PER3: variants seen among roughly 807,000 people sequenced by gnomAD.
PER3 encodes the protein period circadian protein homolog 3.
PER3 carries 107 observed loss-of-function variants against 127.2 expected under a neutral mutation model. The observed-to-expected ratio is 0.84, with a 90% CI of 0.72 to 0.99. PER3 has a LOEUF of 0.99. Among genes scored for constraint, PER3 ranks in the 50% least tolerant of loss-of-function variants. The probability of loss-of-function intolerance (pLI) is 0.00; values close to 1 mark genes in which losing one functional copy is unlikely to be tolerated. For synonymous variants in PER3, 618 were observed against 585.8 expected (o/e 1.05, Z -0.79); for missense variants, 1,560 against 1,525.8 (o/e 1.02, Z -0.37).
chr1:7,839,901 T>C (rs1207979600), intron 21 of PER3, among the ~76,000 whole-genome samples: 1 of 152,096 alleles, frequency 6.6e-6, no homozygotes, highest in Non-Finnish European at 1.5e-5. Flanking sequence ...CCTCTTGGAC[T>C]TTTACATTCA....
intron 16 of PER3, among the ~76,000 whole-genome samples, chr1:7,823,466 A>ATTTGT (rs2097287040): frequency 6.6e-6 from 1 of 152,186 alleles, no homozygotes; most frequent in Non-Finnish European, 1.5e-5. Flanking sequence ...AACACGGAGA[A>ATTTGT]ACCCCATCTT....
At chr1:7,803,421 A>G (rs1473872496) in intron 9 of PER3, among the ~76,000 whole-genome samples, 1 of 149,054 alleles carries the variant, frequency 6.7e-6, no homozygotes, top group African/African-American at 2.5e-5. Context: ...TAACCCATCT[A>G]TACTAAAAGT....
At chr1:7,792,967 A>G (rs560116998) in intron 5 of PER3, among the ~76,000 whole-genome samples, 2 of 152,360 alleles carry the variant, frequency 1.3e-5, no homozygotes, top group East Asian at 3.9e-4. Context: ...CTGACCTCAC[A>G]GTAGAGGCCG....
At chr1:7,814,366 C>T (rs767372547) in intron 13 of PER3, among the ~76,000 whole-genome samples, 1 of 152,138 alleles carries the variant, frequency 6.6e-6, no homozygotes, top group African/African-American at 2.4e-5. Flanking sequence ...AGATTACATA[C>T]AGAGAAACAA....
chr1:7,806,740 G>C (rs1435231179), intron 10 of PER3, among the ~76,000 whole-genome samples: 2 of 146,892 alleles, frequency 1.4e-5, no homozygotes, highest in African/African-American at 2.5e-5. Flanking sequence ...GCAGTAGTGA[G>C]CCAGAATTGC....
At chr1:7,812,875 A>G (rs2097226715) in intron 13 of PER3, among the ~76,000 whole-genome samples, 2 of 152,190 alleles carry the variant, frequency 1.3e-5, no homozygotes, top group African/African-American at 4.8e-5. Context: ...AGAGCTACAG[A>G]AACCTTTATA....
chr1:7,834,761 A>G (rs1369033183), intron 19 of PER3, among the ~76,000 whole-genome samples: 1 of 152,162 alleles, frequency 6.6e-6, no homozygotes, highest in Non-Finnish European at 1.5e-5. Flanking sequence ...CCCAACCTAA[A>G]GATATTTTTT....
chr1:7,784,620 T>C (rs172933), intron 1 of PER3, 34 bp from the exon 2 acceptor site: 265,976 of 354,072 alleles, frequency 0.75, 101,200 homozygotes, highest in Admixed American at 0.81. Context: ...GTCTGTTCCA[T>C]TTGTCCCTTG....
In PER3 at chr1:7,801,114, T is replaced by C. The variant is rs1383987454; in HGVS notation, c.795T>C (p.Ala265=). 1 of 1,594,280 alleles carries C rather than the reference T, an allele frequency of 6.3e-7. No homozygotes were observed. Among genetic ancestry groups the C allele is most frequent in the Non-Finnish European group, 8.6e-7 (1 of 1,166,308 alleles). Residue 265 remains alanine, a splice_region_variant and synonymous_variant, in exon 8 of 22, where the codon GCT becomes GCC. Transcript: ENST00000377532. ...GGGTCTTTGTTTTTTTTTCCTTAGC[T>C]CCTCGGATCCCAGTGAATAAAAGAA... ...VVEKIHSGYE[A]PRIPVNKRIF... is the part of the protein sequence containing the mutation.
At chr1:7,814,461 C>T (rs748473299) in intron 13 of PER3, among the ~76,000 whole-genome samples, 1 of 152,108 alleles carries the variant, frequency 6.6e-6, no homozygotes. Context: ...GAAAAACTGT[C>T]AGCACAGAAT....
chr1:7,827,414 C>A lies in PER3; in HGVS notation c.2485C>A (p.Pro829Thr), dbSNP rs2097307052. 6.2e-7 allele frequency: 1 copy of A among 1,614,078 alleles called. No homozygotes were observed. The highest frequency in any genetic ancestry group is 1.3e-5 in the African/African-American group (1 of 74,948). ...AGAATACGCAGCCCCCGGAACTGCA[C>A]CGGAAGGCCTGCATGGGCTGCCCTT... The part of the protein sequence containing the change: ...GREYAAPGTA[P>T]EGLHGLPLSE... The change falls in exon 18 of 22, where the codon CCG (proline) becomes ACG (threonine). Residue 829 changes from proline to threonine, a missense_variant. This residue lies in a region of PER3 where 1,332 missense variants were observed against 1,223.6 expected (regional missense o/e 1.09). Coordinates refer to ENST00000377532, the MANE Select transcript of PER3 (RefSeq NM_001377275.1).
rs111594486 is a variant in PER3 at position 7,820,472 on chromosome 1, T to A, written c.1789T>A (p.Leu597Met). ...ADDVQALQAG[L>M]QIPAIPKSEM... ...AGTTTCTCTTACACCACCAGCTGGTTTGCAAATCCCAGCCATACCTAAATC... is the reference window on the plus strand; with the variant it reads ...AGTTTCTCTTACACCACCAGCTGGTATGCAAATCCCAGCCATACCTAAATC... The change falls in exon 16 of 22, where the codon TTG becomes ATG. Residue 597 changes from leucine to methionine, a missense_variant. Leu to Met is a conservative substitution (Grantham distance 15). This residue lies in a region of PER3 where 1,332 missense variants were observed against 1,223.6 expected (regional missense o/e 1.09). Coordinates refer to ENST00000377532, the MANE Select transcript of PER3 (RefSeq NM_001377275.1). 9.9e-6 allele frequency: 16 copies of A among 1,608,774 alleles called. 1 individual carries two copies. In the African/African-American group the frequency reaches 2.0e-4, roughly 20 times the overall value.
intron 2 of PER3, among the ~76,000 whole-genome samples, 197 bp downstream of exon 2, chr1:7,785,202 G>A (rs767343042): frequency 1.3e-5 from 2 of 152,212 alleles, no homozygotes; most frequent in African/African-American, 4.8e-5. Flanking sequence ...GGGAAAAGTG[G>A]TTACAAAAGT....
intron 14 of PER3, among the ~76,000 whole-genome samples, chr1:7,819,845 T>C (rs1270233722): frequency 6.6e-6 from 1 of 151,948 alleles, no homozygotes; most frequent in African/African-American, 2.4e-5. Flanking sequence ...GTATTTTATG[T>C]GTGGCCTAAG....
intron 9 of PER3, 34 bp from the exon 10 acceptor site, chr1:7,803,658 G>A: frequency 1.5e-6 from 2 of 1,371,696 alleles, no homozygotes; most frequent in South Asian, 2.5e-5. Context: ...TCTGTGTTAA[G>A]TAAATCCTAT....
At chr1:7,807,647 G>C (rs977316755) in intron 10 of PER3, among the ~76,000 whole-genome samples, 1 of 152,094 alleles carries the variant, frequency 6.6e-6, no homozygotes, top group African/African-American at 2.4e-5. Context: ...TTTGTGTATC[G>C]GGGATAATTC....
chr1:7,838,625 C>G (rs1220134780), intron 21 of PER3, among the ~76,000 whole-genome samples: 1 of 152,152 alleles, frequency 6.6e-6, no homozygotes, highest in East Asian at 1.9e-4. Context: ...GTCTCAAACT[C>G]CTGACCTCAA....
chr1:7,842,106 A>G (rs2097392997), intron 21 of PER3, among the ~76,000 whole-genome samples: 2 of 152,230 alleles, frequency 1.3e-5, no homozygotes, highest in Admixed American at 6.5e-5. Flanking sequence ...AAAATGTGGT[A>G]GGATAATCTT....
rs749158032 is a variant in PER3 at position 7,830,108 on chromosome 1, C to A, written c.3161C>A (p.Ser1054Tyr). 1.2e-6 allele frequency: 2 copies of A among 1,614,224 alleles called. No homozygotes were observed. The highest frequency in any genetic ancestry group is 8.5e-7 in the Non-Finnish European group (1 of 1,180,020). Residue 1054 changes from serine to tyrosine, a missense_variant, in exon 19 of 22, where the codon TCC becomes TAC. Ser to Tyr is a moderately radical substitution (Grantham distance 144). This residue lies in a region of PER3 where 199 missense variants were observed against 198.6 expected (regional missense o/e 1.00). Coordinates refer to ENST00000377532, the MANE Select transcript of PER3 (RefSeq NM_001377275.1). The part of the protein sequence containing the change: ...TPSHPTATVL[S>Y]TGSPPSESPS... ...TCCCATCCTACTGCCACTGTTCTGT[C>A]CACGGGGTCACCTCCCAGCGAATCC...
Sources: allele counts gnomAD v4.1 joint callset (sites outside exome capture counted in the v4.1 genomes callset), GRCh38; gene constraint gnomAD v4.1.1; regional missense constraint gnomAD v4.1.1; transcripts MANE v1.5; gene names NCBI Gene and HGNC (gene_info 2026-07-23, HGNC 2026-07-21).